GABRG3: variants seen among roughly 807,000 people sequenced by gnomAD.
The protein encoded by GABRG3 is gamma-aminobutyric acid type A receptor subunit gamma3.
A neutral mutation model predicts 48.8 loss-of-function variants in GABRG3; 25 were observed. The ratio of observed to expected loss-of-function variants is 0.51; its 90% CI spans 0.37 to 0.72. The LOEUF (loss-of-function observed/expected upper bound fraction) is 0.72. Among genes scored for constraint, GABRG3 ranks in the 30% least tolerant of loss-of-function variants. GABRG3 has a pLI of 0.00. For synonymous variants in GABRG3, 227 were observed against 217.6 expected (o/e 1.04, Z -0.38); for missense variants, 394 against 577.9 (o/e 0.68, Z 3.26).
In GABRG3 at chr15:27,230,335, A is replaced by C. The variant is rs189725416; in HGVS notation, c.271-96474A>C. Among the ~76,000 whole-genome samples, 8 of 152,308 alleles carry C rather than the reference A, an allele frequency of 5.3e-5. No individual in the cohort carries two copies. The East Asian group carries it at 1.4e-3, about 26-fold the overall frequency. On this transcript the variant is annotated intron_variant, in intron 3 of 9. Coordinates refer to ENST00000615808, the MANE Select transcript of GABRG3 (RefSeq NM_033223.5). ...CTACCTGGTTTTTAAAAAAATAGTC[A>C]GTTTATTTCCACATATTTTGACTAT...
Position 27,048,182 on chromosome 15 carries a change from C to G in GABRG3, c.270+21361C>G, listed in dbSNP as rs968451250. Among the ~76,000 whole-genome samples, 3 of 152,096 alleles carry G rather than the reference C, an allele frequency of 2.0e-5. No homozygotes were observed. The South Asian group carries it at 6.2e-4, about 32-fold the overall frequency. ...CCTGCCAGAGGACTGCACCCCACTG[C>G]CCTGGGAGCAGGCTGTGTGCCTCTC... On this transcript the variant is annotated intron_variant, in intron 3 of 9. Coordinates refer to ENST00000615808, the MANE Select transcript of GABRG3 (RefSeq NM_033223.5).
intron 6 of GABRG3, 69 bp from the exon 7 acceptor site, chr15:27,519,903 G>A (rs1021119878): frequency 4.6e-6 from 5 of 1,088,892 alleles, no homozygotes; most frequent in African/African-American, 1.6e-5. Flanking sequence ...AAAATAAATT[G>A]TAAATTATTT....
chr15:27,084,473 A>G (rs1455900738), intron 3 of GABRG3, among the ~76,000 whole-genome samples: 1 of 152,150 alleles, frequency 6.6e-6, no homozygotes, highest in African/African-American at 2.4e-5. Flanking sequence ...CTTTAACCCA[A>G]GGTTCTTTTG....
intron 5 of GABRG3, among the ~76,000 whole-genome samples, chr15:27,382,439 CAAGT>C (rs1895802935): frequency 2.0e-5 from 3 of 152,060 alleles, no homozygotes; most frequent in Admixed American, 2.0e-4. Context: ...GGGAAAAAAA[CAAGT>C]AAAAGTTCTA....
chr15:27,527,854 T>TAA, intron 8 of GABRG3, 79 bp from the exon 9 acceptor site: 1 of 1,233,708 alleles, frequency 8.1e-7, no homozygotes, highest in Non-Finnish European at 1.2e-6. Flanking sequence ...AGTCATACCC[T>TAA]AAAGATTGCT....
At chr15:27,251,171 T>G (rs1890445051) in intron 3 of GABRG3, among the ~76,000 whole-genome samples, 2 of 152,174 alleles carry the variant, frequency 1.3e-5, no homozygotes, top group South Asian at 2.1e-4. Context: ...AAAGTTCCCC[T>G]AAGAGAGAAT....
At chr15:27,125,660 A>T (rs1389341010) in intron 3 of GABRG3, among the ~76,000 whole-genome samples, 1 of 152,236 alleles carries the variant, frequency 6.6e-6, no homozygotes, top group African/African-American at 2.4e-5. Flanking sequence ...ATTGTTAGAC[A>T]TTAGCTATTA....
chr15:27,333,146 G>GTACT (rs1351212547), intron 5 of GABRG3, among the ~76,000 whole-genome samples: 17 of 152,142 alleles, frequency 1.1e-4, no homozygotes, highest in Non-Finnish European at 2.2e-4. Flanking sequence ...TGTATTTAGT[G>GTACT]TACTCATAGA....
At chr15:27,247,020 G>C (rs1026219629) in intron 3 of GABRG3, among the ~76,000 whole-genome samples, 1 of 152,174 alleles carries the variant, frequency 6.6e-6, no homozygotes, top group Non-Finnish European at 1.5e-5. Context: ...CTGAAGTGCA[G>C]TGGCACAATC....
intron 6 of GABRG3, among the ~76,000 whole-genome samples, chr15:27,486,756 G>A (rs56273430): frequency 2.6e-5 from 4 of 152,128 alleles, no homozygotes; most frequent in Non-Finnish European, 5.9e-5. Context: ...CACATGCCAA[G>A]TACATAATTG....
chr15:27,261,455 G>GGGTT (rs1304709267), intron 3 of GABRG3, among the ~76,000 whole-genome samples: 1 of 151,562 alleles, frequency 6.6e-6, no homozygotes, highest in Non-Finnish European at 1.5e-5. Flanking sequence ...GGAGGGATTC[G>GGGTT]GGTTGGTGAG....
At chr15:27,456,633 G>A (rs1399045874) in intron 5 of GABRG3, among the ~76,000 whole-genome samples, 1 of 152,208 alleles carries the variant, frequency 6.6e-6, no homozygotes, top group Non-Finnish European at 1.5e-5. Flanking sequence ...GTCTTCCCAA[G>A]GAACGGCCAA....
intron 3 of GABRG3, among the ~76,000 whole-genome samples, chr15:27,259,586 AG>A: frequency 6.6e-6 from 1 of 152,112 alleles, no homozygotes; most frequent in Non-Finnish European, 1.5e-5. Context: ...TAGAGTTCCC[AG>A]CTCCTCCACA....
intron 3 of GABRG3, among the ~76,000 whole-genome samples, chr15:27,067,282 C>T (rs1016950330): frequency 2.6e-5 from 4 of 152,272 alleles, no homozygotes; most frequent in African/African-American, 7.2e-5. Context: ...CCTGGAAGTT[C>T]GTGTCTGTGT....
intron 9 of GABRG3, among the ~76,000 whole-genome samples, chr15:27,529,914 G>C (rs1306687830): frequency 6.6e-6 from 1 of 151,398 alleles, no homozygotes; most frequent in African/African-American, 2.4e-5. Context: ...AAGAGAAAGT[G>C]GGAAAGTTTA....
At chr15:27,379,365 G>C (rs566950985) in intron 5 of GABRG3, among the ~76,000 whole-genome samples, 1 of 152,068 alleles carries the variant, frequency 6.6e-6, no homozygotes, top group Non-Finnish European at 1.5e-5. Context: ...TCTCCCATCC[G>C]TTACTACATT....
At chr15:27,336,878 A>G (rs781094738) in intron 5 of GABRG3, among the ~76,000 whole-genome samples, 1 of 152,238 alleles carries the variant, frequency 6.6e-6, no homozygotes, top group Non-Finnish European at 1.5e-5. Flanking sequence ...CTGCAACAGC[A>G]TTCGAAGCTG....
chr15:27,031,503 C>T (rs972937827), intron 3 of GABRG3, among the ~76,000 whole-genome samples: 4 of 152,124 alleles, frequency 2.6e-5, no homozygotes, highest in African/African-American at 4.8e-5. Context: ...AGACTTGTAG[C>T]GAGCCACTGT....
intron 5 of GABRG3, among the ~76,000 whole-genome samples, chr15:27,410,334 T>C (rs1887757873): frequency 6.6e-6 from 1 of 152,218 alleles, no homozygotes; most frequent in Admixed American, 6.5e-5. Context: ...TCTCAATTTA[T>C]AAAAGATACT....
Sources: gnomAD v4.1 joint callset for allele counts (sites outside exome capture counted in the v4.1 genomes callset) on GRCh38, gnomAD v4.1.1 for gene constraint, MANE v1.5 for transcripts, NCBI Gene and HGNC (gene_info 2026-07-23, HGNC 2026-07-21) for gene names.